The following PPARG variants were observed in gnomAD, a reference collection of about 807,000 sequenced individuals.
PPARG encodes peroxisome proliferator activated receptor gamma, also known as peroxisome proliferator-activated receptor gamma.
A neutral mutation model predicts 39.2 loss-of-function variants in PPARG; 17 were observed. The ratio of observed to expected loss-of-function variants is 0.43; its 90% confidence interval spans 0.30 to 0.65. The LOEUF (loss-of-function observed/expected upper bound fraction) is 0.65, where lower values mean the gene tolerates loss of function less well. PPARG is among the 30% of genes least tolerant of loss of function. The pLI, the probability that PPARG is intolerant of heterozygous loss-of-function variation, is 0.13. For missense variants in PPARG, 406 were observed against 585.9 expected, an observed-to-expected ratio of 0.69 and a Z score of 3.17; for synonymous variants, 223 against 215.7, an observed-to-expected ratio of 1.03 and a Z score of -0.30.
chr3:12,338,640 T>C (rs148018780), intron 2 of PPARG, among the ~76,000 whole-genome samples: 2,734 of 152,288 alleles, frequency 0.018, 87 homozygotes, highest in African/African-American at 0.06. Context: ...CTATAGCATA[T>C]ACTTTTGGGG....
chr3:12,324,569 C>T (rs913659570), intron 2 of PPARG, among the ~76,000 whole-genome samples: 5 of 152,102 alleles, frequency 3.3e-5, no homozygotes, highest in African/African-American at 7.2e-5. Flanking sequence ...ATATGTTAGA[C>T]AGGTTAAATT....
At chr3:12,296,437 T>C (rs992419432) in intron 1 of PPARG, among the ~76,000 whole-genome samples, 2 of 152,004 alleles carry the variant, frequency 1.3e-5, no homozygotes, top group Non-Finnish European at 2.9e-5. Context: ...TTATACGCTG[T>C]TTGGGAACTC....
At chr3:12,370,075 G>A (rs1439298313) in intron 2 of PPARG, among the ~76,000 whole-genome samples, 1 of 151,984 alleles carries the variant, frequency 6.6e-6, no homozygotes, top group Admixed American at 6.6e-5. Context: ...GAGAACTCTG[G>A]GAAAGAGTAC....
intron 7 of PPARG, among the ~76,000 whole-genome samples, chr3:12,431,861 A>C (rs2051672560): frequency 6.6e-6 from 1 of 152,110 alleles, no homozygotes; most frequent in South Asian, 2.1e-4. Context: ...GATCACCTGA[A>C]CCCAGGAGTT....
At chr3:12,404,718 C>T (rs147061303) in intron 5 of PPARG, among the ~76,000 whole-genome samples, 1 of 152,162 alleles carries the variant, frequency 6.6e-6, no homozygotes, top group African/African-American at 2.4e-5. Flanking sequence ...GCAGGAGAAT[C>T]GCTTGAACCC....
At chr3:12,362,714 A>G (rs1013863153) in intron 2 of PPARG, among the ~76,000 whole-genome samples, 10 of 151,954 alleles carry the variant, frequency 6.6e-5, no homozygotes, top group African/African-American at 2.2e-4. Flanking sequence ...AGAAGTAATG[A>G]TAGTATCATT....
At chr3:12,330,302 T>TA (rs67976990) in intron 2 of PPARG, among the ~76,000 whole-genome samples, 36,647 of 121,002 alleles carry the variant, frequency 0.3, 5,585 homozygotes, top group Middle Eastern at 0.34. Flanking sequence ...CACCTTTTTT[T>TA]AAAAAAAAAA....
At chr3:12,292,082 T>C (rs996579968) in intron 1 of PPARG, among the ~76,000 whole-genome samples, 4 of 152,208 alleles carry the variant, frequency 2.6e-5, no homozygotes, top group Non-Finnish European at 4.4e-5. Flanking sequence ...CTCAATAACT[T>C]TGAGATTGTT....
chr3:12,310,903 G>A (rs1314849045), intron 1 of PPARG, among the ~76,000 whole-genome samples: 4 of 148,392 alleles, frequency 2.7e-5, no homozygotes, highest in African/African-American at 5.0e-5. Flanking sequence ...GAGCGGTTTC[G>A]CTGTGGGTGC....
chr3:12,384,479 T>A (rs2049801148), intron 4 of PPARG, among the ~76,000 whole-genome samples: 1 of 152,146 alleles, frequency 6.6e-6, no homozygotes, highest in African/African-American at 2.4e-5. Context: ...TATTGAATTC[T>A]TAGTATGTAC....
intron 2 of PPARG, among the ~76,000 whole-genome samples, chr3:12,362,005 A>T (rs1408345557): frequency 6.6e-6 from 1 of 152,032 alleles, no homozygotes; most frequent in Non-Finnish European, 1.5e-5. Context: ...TAAATAGTAT[A>T]TTTGAGTTTT....
At chr3:12,311,127 A>G (rs987256890) in intron 1 of PPARG, among the ~76,000 whole-genome samples, 3 of 152,120 alleles carry the variant, frequency 2.0e-5, no homozygotes, top group Non-Finnish European at 4.4e-5. Flanking sequence ...TTTTTGAGAC[A>G]GGGTCTCACT....
At chr3:12,422,044 G>A (rs1411980264) in intron 7 of PPARG, among the ~76,000 whole-genome samples, 1 of 152,210 alleles carries the variant, frequency 6.6e-6, no homozygotes, top group Non-Finnish European at 1.5e-5. Context: ...TATCAGGTCA[G>A]TAACCTGGGG....
intron 5 of PPARG, among the ~76,000 whole-genome samples, chr3:12,397,178 T>TA (rs980436951): frequency 7.3e-5 from 11 of 151,472 alleles, no homozygotes; most frequent in African/African-American, 1.2e-4. Flanking sequence ...TGTAATTTTT[T>TA]AAAAAAAACT....
chr3:12,360,405 G>T (rs909991426), intron 2 of PPARG, among the ~76,000 whole-genome samples: 5 of 152,044 alleles, frequency 3.3e-5, no homozygotes, highest in African/African-American at 1.2e-4. Flanking sequence ...AAGAGTTTTT[G>T]TTGGCTTACT....
chr3:12,426,461 C>G (rs1490599875), intron 7 of PPARG, among the ~76,000 whole-genome samples: 1 of 152,026 alleles, frequency 6.6e-6, no homozygotes. Flanking sequence ...TTTAAGCTGG[C>G]CCTGCTAGCG....
chr3:12,396,905 T>C (rs1045261349), intron 5 of PPARG, among the ~76,000 whole-genome samples: 1 of 152,194 alleles, frequency 6.6e-6, no homozygotes, highest in African/African-American at 2.4e-5. Context: ...TTACTATTTT[T>C]AGAGATGGAG....
chr3:12,343,883 C>A, intron 2 of PPARG, among the ~76,000 whole-genome samples: 1 of 119,562 alleles, frequency 8.4e-6, no homozygotes, highest in Non-Finnish European at 1.6e-5. Context: ...TTTTTTGAGA[C>A]AGAATCTTGC....
At chr3:12,309,329 A>G (rs1346155579) in intron 1 of PPARG, among the ~76,000 whole-genome samples, 4 of 152,146 alleles carry the variant, frequency 2.6e-5, no homozygotes, top group African/African-American at 9.7e-5. Context: ...CGGTTTTTTG[A>G]CCTAGTGCTG....
Sources: gnomAD v4.1 joint callset for allele counts (sites outside exome capture counted in the v4.1 genomes callset) on GRCh38, gnomAD v4.1.1 for gene constraint, MANE v1.5 for transcripts, NCBI Gene and HGNC (gene_info 2026-07-23, HGNC 2026-07-21) for gene names.